Variants in PAG1 observed in about 807,000 individuals in gnomAD.
The protein encoded by PAG1 is phosphoprotein membrane anchor with glycosphingolipid microdomains 1, also known as phosphoprotein associated with glycosphingolipid-enriched microdomains 1.
PAG1 carries 23 observed loss-of-function variants against 31.7 expected under a neutral mutation model. The ratio of observed to expected loss-of-function variants is 0.73; its 90% CI spans 0.52 to 1.03. PAG1 has a LOEUF of 1.03. PAG1 is among the 50% of genes least tolerant of loss of function. The probability of loss-of-function intolerance (pLI) is 0.00; values close to 1 mark genes in which losing one functional copy is unlikely to be tolerated. For missense variants in PAG1, 473 were observed against 540.7 expected (o/e 0.87, Z 1.24); for synonymous variants, 214 against 210.3 (o/e 1.02, Z -0.15).
At position 81,085,870 on chromosome 8, in the gene PAG1, G is replaced by A. The variant is rs144048052; in HGVS notation, c.-233-15700C>T. Among the ~76,000 whole-genome samples the A allele has an allele frequency of 1.2e-3, 182 of 148,712 alleles. 3 individuals carry two copies. The highest frequency in any genetic ancestry group is 4.4e-3 in the African/African-American group (177 of 40,312). ...TATTTGAAGTCTTTGAATGCTTAAT[G>A]TTATAGCATGCATTTTGGTCAATTA... On this transcript the variant is annotated intron_variant, in intron 1 of 8. Transcript: ENST00000220597.
intron 3 of PAG1, among the ~76,000 whole-genome samples, chr8:81,014,932 G>A (rs778701636): frequency 1.3e-5 from 2 of 152,164 alleles, no homozygotes; most frequent in Admixed American, 6.5e-5. Context: ...CTGAAGTCAG[G>A]AGGCAGAGCG....
At chr8:81,041,244 T>C (rs1808549962) in intron 2 of PAG1, among the ~76,000 whole-genome samples, 1 of 152,098 alleles carries the variant, frequency 6.6e-6, no homozygotes, top group Admixed American at 6.6e-5. Context: ...TAACTATCCT[T>C]TAGTTAAGAA....
chr8:80,993,602 T>C (rs1807606146), intron 3 of PAG1, among the ~76,000 whole-genome samples: 1 of 147,028 alleles, frequency 6.8e-6, no homozygotes, highest in African/African-American at 2.6e-5. Context: ...TCTTGTTCTT[T>C]TTTTTTTTTT....
chr8:80,978,118 T>C (rs1807221061), intron 8 of PAG1, among the ~76,000 whole-genome samples: 1 of 152,162 alleles, frequency 6.6e-6, no homozygotes, highest in South Asian at 2.1e-4. Context: ...ACATGCTAAC[T>C]GGTCATTTGC....
chr8:80,992,895 T>C (rs533333238), intron 4 of PAG1, among the ~76,000 whole-genome samples: 7 of 152,314 alleles, frequency 4.6e-5, no homozygotes, highest in South Asian at 2.1e-4. Flanking sequence ...AGTTGCTCCC[T>C]AGCAAAACCA....
At chr8:81,026,915 A>G (rs1808291122) in intron 3 of PAG1, among the ~76,000 whole-genome samples, 1 of 152,138 alleles carries the variant, frequency 6.6e-6, no homozygotes. Flanking sequence ...AAAAAAATGT[A>G]CCAAATGGAA....
chr8:80,994,750 T>A (rs966578574), intron 3 of PAG1, among the ~76,000 whole-genome samples: 2 of 152,188 alleles, frequency 1.3e-5, no homozygotes, highest in Non-Finnish European at 2.9e-5. Context: ...ACAGATATTT[T>A]AAAAATGGAG....
At chr8:81,071,508 T>C (rs1308104668) in intron 1 of PAG1, among the ~76,000 whole-genome samples, 1 of 152,202 alleles carries the variant, frequency 6.6e-6, no homozygotes, top group Non-Finnish European at 1.5e-5. Context: ...AACCTATCAT[T>C]TATAAAACCA....
intron 2 of PAG1, among the ~76,000 whole-genome samples, chr8:81,059,528 T>C (rs1215623472): frequency 1.3e-5 from 2 of 152,170 alleles, no homozygotes; most frequent in East Asian, 1.9e-4. Flanking sequence ...TGGAGTCCTA[T>C]AGATAGGTGC....
intron 3 of PAG1, among the ~76,000 whole-genome samples, chr8:81,017,586 C>A (rs1430598142): frequency 6.6e-6 from 1 of 152,210 alleles, no homozygotes; most frequent in Non-Finnish European, 1.5e-5. Context: ...CTTTCTGCCC[C>A]TCTCCAGATA....
chr8:81,102,220 T>C (rs895845177), intron 1 of PAG1, among the ~76,000 whole-genome samples: 1 of 152,190 alleles, frequency 6.6e-6, no homozygotes, highest in African/African-American at 2.4e-5. Flanking sequence ...CATGCCTATA[T>C]TGTAATTTTT....
chr8:81,053,118 T>C (rs1424829765), intron 2 of PAG1, among the ~76,000 whole-genome samples: 2 of 152,222 alleles, frequency 1.3e-5, no homozygotes, highest in East Asian at 1.9e-4. Context: ...ATTCAAGTGA[T>C]ATTGATAAGA....
chr8:81,104,329 T>C (rs1339902782), intron 1 of PAG1, among the ~76,000 whole-genome samples: 1 of 152,106 alleles, frequency 6.6e-6, no homozygotes, highest in East Asian at 1.9e-4. Flanking sequence ...AAAACTTCTC[T>C]TGCTTAATCT....
intron 1 of PAG1, among the ~76,000 whole-genome samples, chr8:81,106,322 A>C (rs1809692519): frequency 6.6e-6 from 1 of 152,092 alleles, no homozygotes; most frequent in Non-Finnish European, 1.5e-5. Flanking sequence ...CTCAGATTAC[A>C]GGCGTGAGTC....
At chr8:81,051,746 C>T (rs961379840) in intron 2 of PAG1, among the ~76,000 whole-genome samples, 31 of 152,114 alleles carry the variant, frequency 2.0e-4, no homozygotes, top group Non-Finnish European at 1.0e-4. Context: ...AGCAAGTTGC[C>T]ATCAGCAAAT....
chr8:81,002,164 T>A (rs1807796802), intron 3 of PAG1, among the ~76,000 whole-genome samples: 1 of 152,168 alleles, frequency 6.6e-6, no homozygotes, highest in Admixed American at 6.5e-5. Context: ...TGTTAAGCAT[T>A]GCTTTGCACT....
At chr8:81,012,217 G>A (rs952173599) in intron 3 of PAG1, among the ~76,000 whole-genome samples, 33 of 152,178 alleles carry the variant, frequency 2.2e-4, no homozygotes, top group African/African-American at 7.7e-4. Context: ...CAAGAAGTCA[G>A]CTGCAATATC....
chr8:80,991,600 C>G, intron 4 of PAG1, 70 bp from the exon 5 acceptor site: 1 of 996,240 alleles, frequency 1.0e-6, no homozygotes, highest in Admixed American at 1.7e-5. Flanking sequence ...CTACCCTTTC[C>G]TATCCCAATT....
At chr8:81,017,823 T>C (rs1808097511) in intron 3 of PAG1, among the ~76,000 whole-genome samples, 1 of 152,176 alleles carries the variant, frequency 6.6e-6, no homozygotes, top group South Asian at 2.1e-4. Flanking sequence ...AGTTTGAGGG[T>C]ATACCTGCAC....
Sources: allele counts gnomAD v4.1 joint callset (sites outside exome capture counted in the v4.1 genomes callset), GRCh38; gene constraint gnomAD v4.1.1; transcripts MANE v1.5; gene names NCBI Gene and HGNC (gene_info 2026-07-23, HGNC 2026-07-21).